The following SEC22C variants were observed in gnomAD, a reference collection of about 807,000 sequenced individuals.
The protein encoded by SEC22C is vesicle-trafficking protein SEC22c.
Under a neutral mutation model 34.7 loss-of-function variants are expected in SEC22C, and 29 were observed. The observed-to-expected ratio is 0.84, with a 90% CI of 0.62 to 1.14. SEC22C has a LOEUF of 1.14. SEC22C is among the 50% of genes most tolerant of loss of function. The pLI is 0.00. For synonymous variants in SEC22C, 117 were observed against 132.8 expected (o/e 0.88, Z 0.82); for missense variants, 337 against 369.0 (o/e 0.91, Z 0.71).
chr3:42,554,040 G>C (rs1702381430), intron 6 of SEC22C, among the ~76,000 whole-genome samples: 1 of 151,862 alleles, frequency 6.6e-6, no homozygotes, highest in African/African-American at 2.4e-5. Flanking sequence ...CACATAAAAG[G>C]GGCCATTCTT....
intron 1 of SEC22C, among the ~76,000 whole-genome samples, chr3:42,576,604 T>C (rs1006084573): frequency 5.9e-5 from 9 of 151,968 alleles, no homozygotes; most frequent in Non-Finnish European, 1.0e-4. Flanking sequence ...TGCTGAAAAC[T>C]ACAAAATATT....
At chr3:42,564,261 A>T in intron 2 of SEC22C, 1 of 207,232 alleles carries the variant, frequency 4.8e-6, no homozygotes, top group Non-Finnish European at 9.8e-6. Context: ...TTCTTTTTCT[A>T]CTCCCTTTTG....
At chr3:42,574,231 C>T (rs1192027749) in intron 1 of SEC22C, among the ~76,000 whole-genome samples, 1 of 151,722 alleles carries the variant, frequency 6.6e-6, no homozygotes, top group African/African-American at 2.4e-5. Context: ...GAACTGCCAA[C>T]CCAGAATCCT....
upstream of SEC22C, among the ~76,000 whole-genome samples, chr3:42,582,622 A>G (rs1559532911): frequency 6.6e-6 from 1 of 152,226 alleles, no homozygotes; most frequent in East Asian, 1.9e-4. Flanking sequence ...ATGTTAAGAG[A>G]GGAGGCAGGG....
At chr3:42,569,228 T>C (rs1271370448) in intron 1 of SEC22C, among the ~76,000 whole-genome samples, 155 bp from the exon 2 acceptor site, 1 of 152,242 alleles carries the variant, frequency 6.6e-6, no homozygotes, top group Non-Finnish European at 1.5e-5. Context: ...TCTACTGCTA[T>C]ATCACTCCCA....
intron 1 of SEC22C, among the ~76,000 whole-genome samples, chr3:42,594,064 T>C (rs1704953827): frequency 6.6e-6 from 1 of 152,188 alleles, no homozygotes; most frequent in Non-Finnish European, 1.5e-5. Flanking sequence ...CTGAATGAGA[T>C]GGGAGCCTTT....
At position 42,550,973 on chromosome 3, in the gene SEC22C, A is replaced by C. The variant is rs1437649968; in HGVS notation, c.*2275T>G. ...AACCTCCACCTCCCGGGTTCAAGAG[A>C]TTCTCCTGCCTCAGCCTCCTGAGTA... On this transcript the variant is annotated 3_prime_UTR_variant, in exon 7 of 7. Transcript: ENST00000264454. The C allele has an allele frequency of 1.3e-6, 1 of 754,104 alleles. No homozygotes were observed. Among genetic ancestry groups the C allele is most frequent in the Non-Finnish European group, 1.6e-6 (1 of 622,476 alleles). 46.7% of individuals were successfully genotyped at this position (754,104 alleles called of 1,614,324 possible). A position where few individuals can be genotyped will look rare whatever the true frequency, so the allele number is the denominator to read the frequency against.
At chr3:42,600,013 G>A (rs1705216988) in intron 1 of SEC22C, among the ~76,000 whole-genome samples, 1 of 152,202 alleles carries the variant, frequency 6.6e-6, no homozygotes, top group Non-Finnish European at 1.5e-5. Flanking sequence ...TTGGGAAAAA[G>A]ACTTCGCAAT....
chr3:42,563,115 T>C (rs918131851), intron 3 of SEC22C, among the ~76,000 whole-genome samples: 1 of 152,210 alleles, frequency 6.6e-6, no homozygotes, highest in African/African-American at 2.4e-5. Context: ...GGCTACATGG[T>C]CTCTGTCACA....
rs1702817038 is a variant in SEC22C at position 42,560,227 on chromosome 3, T to C, written c.526+890A>G. ...TATATATAATACCAATCTATACAGT[T>C]CAATAAGTAACTTATAGAAAAAGAG... On this transcript the variant is annotated intron_variant, in intron 4 of 6. Transcript: ENST00000264454. Among the ~76,000 whole-genome samples, 5 of 146,504 alleles carry C rather than the reference T, an allele frequency of 3.4e-5. No individual in the cohort carries two copies. The South Asian group carries it at 1.1e-3, about 31-fold the overall frequency.
chr3:42,577,350 T>A (rs1319669330), intron 1 of SEC22C, among the ~76,000 whole-genome samples: 2 of 152,128 alleles, frequency 1.3e-5, no homozygotes, highest in Non-Finnish European at 2.9e-5. Flanking sequence ...GGAGAAAATA[T>A]CTGTAAACCA....
intron 1 of SEC22C, chr3:42,591,155 C>T: frequency 1.6e-6 from 1 of 641,684 alleles, no homozygotes; most frequent in South Asian, 1.8e-5. Flanking sequence ...GCATGGGGTT[C>T]GGTCCCCCGC....
intron 1 of SEC22C, among the ~76,000 whole-genome samples, chr3:42,588,428 C>A (rs560907004): frequency 3.3e-5 from 5 of 152,164 alleles, no homozygotes; most frequent in African/African-American, 4.8e-5. Context: ...AACAAAAAAA[C>A]CCCTTCACTT....
At chr3:42,585,224 A>C (rs1462939536), upstream of SEC22C, among the ~76,000 whole-genome samples, 1 of 152,124 alleles carries the variant, frequency 6.6e-6, no homozygotes, top group Admixed American at 6.5e-5. Context: ...AGGACCTTAC[A>C]CTCTCTGACT....
chr3:42,555,089 T>C (rs2125695792), intron 6 of SEC22C, among the ~76,000 whole-genome samples: 1 of 152,270 alleles, frequency 6.6e-6, no homozygotes, highest in East Asian at 1.9e-4. Flanking sequence ...CTCATGCCTG[T>C]AATCCCAGCA....
Position 42,551,834 on chromosome 3 carries a change from C to G in SEC22C, c.*1414G>C. The G allele has an allele frequency of 1.0e-6, 1 of 980,254 alleles. No homozygotes were observed. The highest frequency in any genetic ancestry group is 1.2e-6 in the Non-Finnish European group (1 of 825,234). The allele number at this position is 980,254 out of a possible 1,614,324, so 60.7% of individuals were successfully genotyped here. On this transcript the variant is annotated 3_prime_UTR_variant, in exon 7 of 7. Transcript: ENST00000264454. ...GAATTTTTCTAAAACTACATTCTTA[C>G]ATTCCCTATCCACTCAACTCTTGTA...
chr3:42,569,257 T>C (rs1283064541), intron 1 of SEC22C, among the ~76,000 whole-genome samples, 184 bp from the exon 2 acceptor site: 1 of 152,232 alleles, frequency 6.6e-6, no homozygotes, highest in Non-Finnish European at 1.5e-5. Flanking sequence ...CCCTTCATTA[T>C]CCTCCCTGCC....
chr3:42,550,673 A>G lies in SEC22C; in HGVS notation c.*2575T>C, dbSNP rs753718548. On this transcript the variant is annotated 3_prime_UTR_variant, in exon 7 of 7. Transcript: ENST00000264454. ...TATCCACACATTCGACCTGGTGTGGATAACATCTCTGGTAGTGCCTCGGTG... is the reference window on the plus strand; with the variant it reads ...TATCCACACATTCGACCTGGTGTGGGTAACATCTCTGGTAGTGCCTCGGTG... The G allele has an allele frequency of 1.3e-5, 13 of 985,166 alleles. No individual in the cohort carries two copies. Among genetic ancestry groups the G allele is most frequent in the Non-Finnish European group, 1.6e-5 (13 of 829,822 alleles). The allele number at this position is 985,166 out of a possible 1,614,324, so 61.0% of individuals were successfully genotyped here.
chr3:42,564,583 C>A (rs1008983490), intron 2 of SEC22C, among the ~76,000 whole-genome samples: 14 of 152,152 alleles, frequency 9.2e-5, no homozygotes, highest in African/African-American at 3.1e-4. Context: ...CAACTTCAAC[C>A]TTTTACGAGG....
Sources: allele counts gnomAD v4.1 joint callset (sites outside exome capture counted in the v4.1 genomes callset), GRCh38; gene constraint gnomAD v4.1.1; transcripts MANE v1.5; gene names NCBI Gene and HGNC (gene_info 2026-07-23, HGNC 2026-07-21).